The following VPS26A variants were observed in gnomAD, a reference collection of about 807,000 sequenced individuals.
VPS26A encodes VPS26 retromer complex component A.
Under a neutral mutation model 42.4 loss-of-function variants are expected in VPS26A, and 22 were observed. The observed-to-expected ratio is 0.52, with a 90% CI of 0.37 to 0.74. The LOEUF (loss-of-function observed/expected upper bound fraction) is 0.74, where lower values mean the gene tolerates loss of function less well. Among genes scored for constraint, VPS26A ranks in the 30% least tolerant of loss-of-function variants. VPS26A has a pLI of 0.00. For synonymous variants in VPS26A, 110 were observed against 123.5 expected, an observed-to-expected ratio of 0.89 and a Z score of 0.73; for missense variants, 276 against 379.2, an observed-to-expected ratio of 0.73 and a Z score of 2.26.
chr10:69,124,324 C>G (rs1053540806), intron 1 of VPS26A, 44 bp downstream of exon 1: 19 of 1,237,944 alleles, frequency 1.5e-5, no homozygotes, highest in Non-Finnish European at 1.9e-5. Context: ...GCCCTCGTCC[C>G]GGAGCGCGCG....
At chr10:69,136,509 A>G (rs1163863758) in intron 2 of VPS26A, among the ~76,000 whole-genome samples, 1 of 151,946 alleles carries the variant, frequency 6.6e-6, no homozygotes, top group Non-Finnish European at 1.5e-5. Context: ...TGACCTCGTG[A>G]TCCGCCCAGC....
At chr10:69,125,267 T>A (rs1840624871) in intron 1 of VPS26A, among the ~76,000 whole-genome samples, 1 of 151,410 alleles carries the variant, frequency 6.6e-6, no homozygotes, top group Non-Finnish European at 1.5e-5. Flanking sequence ...TCAGTAATGA[T>A]GTTGCTTTCA....
At chr10:69,124,429 C>A in intron 1 of VPS26A, 149 bp downstream of exon 1, 2 of 899,722 alleles carry the variant, frequency 2.2e-6, no homozygotes, top group Non-Finnish European at 2.9e-6. Context: ...ACCCCTGGGT[C>A]TGGGAAAAGC....
chr10:69,137,842 C>CT (rs967439930), intron 2 of VPS26A, among the ~76,000 whole-genome samples: 2 of 145,960 alleles, frequency 1.4e-5, no homozygotes, highest in African/African-American at 2.8e-5. Flanking sequence ...TAGGATTTTT[C>CT]TTTTTTTAAG....
chr10:69,157,667 T>C (rs1341437819), intron 4 of VPS26A, among the ~76,000 whole-genome samples: 1 of 152,206 alleles, frequency 6.6e-6, no homozygotes, highest in Non-Finnish European at 1.5e-5. Context: ...GATATTAATC[T>C]GAATGCATCA....
chr10:69,149,916 G>A (rs900165959), intron 2 of VPS26A, among the ~76,000 whole-genome samples: 12 of 151,438 alleles, frequency 7.9e-5, no homozygotes, highest in Admixed American at 6.6e-4. Flanking sequence ...ACTAATTTTT[G>A]TATTTTTAGT....
At chr10:69,154,244 T>A (rs1404146983) in intron 2 of VPS26A, among the ~76,000 whole-genome samples, 1 of 152,210 alleles carries the variant, frequency 6.6e-6, no homozygotes, top group African/African-American at 2.4e-5. Context: ...AATAGAATTC[T>A]TTGTAGATCT....
In VPS26A at chr10:69,151,276, A is replaced by ACC. The variant is rs761019625; in HGVS notation, c.154-4536_154-4535insCC. ...TGAGACTCCATGTCAAAAAAAAAAA[A>ACC]AAAAAAACACACACACACACACAAT... On this transcript the variant is annotated intron_variant, in intron 2 of 8. Coordinates refer to ENST00000263559, the MANE Select transcript of VPS26A (RefSeq NM_004896.5). 1.2e-4 allele frequency among the ~76,000 whole-genome samples: 8 copies of ACC among 69,130 alleles called. No homozygotes were observed. The South Asian group carries it at 3.5e-3, about 30-fold the overall frequency. 45.4% of individuals were successfully genotyped at this position (69,130 alleles called of 152,430 possible). A position where few individuals can be genotyped will look rare whatever the true frequency, so the allele number is the denominator to read the frequency against.
At chr10:69,154,913 ATATT>A (rs890205297) in intron 2 of VPS26A, among the ~76,000 whole-genome samples, 5 of 152,268 alleles carry the variant, frequency 3.3e-5, no homozygotes, top group Middle Eastern at 3.4e-3. Flanking sequence ...GCACATATAT[ATATT>A]TTTTTTTTAA....
rs7072107 is a variant in VPS26A at position 69,173,298 on chromosome 10, G to A, written c.*2029G>A. Among the ~76,000 whole-genome samples the A allele has an allele frequency of 0.042, 6,353 of 152,118 alleles. 466 individuals carry two copies. Among genetic ancestry groups the A allele is most frequent in the African/African-American group, 0.14 (5,982 of 41,454 alleles). ...AATAACCAGGCCCGGGTCCTACTCTGACCAATAAAATAAGAATCTCAGAGA... is the reference window on the plus strand; with the variant it reads ...AATAACCAGGCCCGGGTCCTACTCTAACCAATAAAATAAGAATCTCAGAGA... On this transcript the variant is annotated 3_prime_UTR_variant, in exon 9 of 9. Transcript: ENST00000263559.
rs71035063 is a variant in VPS26A at position 69,151,282 on chromosome 10, A to AAAAAAAAAAAAAAAAAAAAAAAC, written c.154-4529_154-4528insAAAAAAAAAAAAAAAAAAAAACA. Among the ~76,000 whole-genome samples, 4 of 136,774 alleles carry AAAAAAAAAAAAAAAAAAAAAAAC rather than the reference A, an allele frequency of 2.9e-5. 1 individual carries two copies. The highest frequency in any genetic ancestry group is 1.3e-4 in the African/African-American group (4 of 30,078). 89.7% of individuals were successfully genotyped at this position (136,774 alleles called of 152,430 possible). On this transcript the variant is annotated intron_variant, in intron 2 of 8. Coordinates refer to ENST00000263559, the MANE Select transcript of VPS26A (RefSeq NM_004896.5). Reference sequence around the variant, plus strand: ...TCCATGTCAAAAAAAAAAAAAAAAAAACACACACACACACACAATTAGCCG... The same window carrying AAAAAAAAAAAAAAAAAAAAAAAC: ...TCCATGTCAAAAAAAAAAAAAAAAAAAAAAAAAAAAAAAAAAAAAAAACACACACACACACACACAATTAGCCG...
chr10:69,158,272 TTGTC>T, intron 5 of VPS26A, 61 bp downstream of exon 5: 5 of 1,361,828 alleles, frequency 3.7e-6, no homozygotes, highest in Non-Finnish European at 2.9e-6. Context: ...TTTCAGGTGT[TTGTC>T]AGTTGGTCAA....
At chr10:69,152,371 C>T (rs550706135) in intron 2 of VPS26A, among the ~76,000 whole-genome samples, 1 of 152,268 alleles carries the variant, frequency 6.6e-6, no homozygotes, top group South Asian at 2.1e-4. Flanking sequence ...GCTTTATTCA[C>T]GTAACACATC....
chr10:69,137,946 A>G (rs773758980), intron 2 of VPS26A, among the ~76,000 whole-genome samples: 3 of 151,774 alleles, frequency 2.0e-5, no homozygotes, highest in African/African-American at 4.9e-5. Context: ...GAGTTGTACA[A>G]CTATCACCAC....
chr10:69,145,540 C>G (rs1196450679), intron 2 of VPS26A, among the ~76,000 whole-genome samples: 1 of 152,036 alleles, frequency 6.6e-6, no homozygotes, highest in Non-Finnish European at 1.5e-5. Flanking sequence ...TGGTGTGACA[C>G]AGGAGTCAAA....
intron 6 of VPS26A, among the ~76,000 whole-genome samples, chr10:69,163,164 G>C (rs140427549): frequency 6.6e-6 from 1 of 152,304 alleles, no homozygotes; most frequent in Admixed American, 6.5e-5. Context: ...CCAGTCTGCT[G>C]TTTGTGGACA....
At chr10:69,133,468 T>A in intron 2 of VPS26A, 1 of 979,340 alleles carries the variant, frequency 1.0e-6, no homozygotes, top group Non-Finnish European at 1.3e-6. Flanking sequence ...TAAAGGTTTT[T>A]TTACATTCTT....
intron 2 of VPS26A, among the ~76,000 whole-genome samples, chr10:69,147,680 A>G (rs921809317): frequency 2.0e-5 from 3 of 152,002 alleles, no homozygotes; most frequent in Non-Finnish European, 4.4e-5. Context: ...TCCCCATTGA[A>G]TTGTTTTGGC....
At chr10:69,169,227 T>G (rs1841760917) in intron 8 of VPS26A, among the ~76,000 whole-genome samples, 1 of 151,012 alleles carries the variant, frequency 6.6e-6, no homozygotes, top group Non-Finnish European at 1.5e-5. Context: ...TGAATATCTT[T>G]CTCTTAACAA....
Sources: allele counts gnomAD v4.1 joint callset (sites outside exome capture counted in the v4.1 genomes callset), GRCh38; gene constraint gnomAD v4.1.1; transcripts MANE v1.5; gene names NCBI Gene and HGNC (gene_info 2026-07-23, HGNC 2026-07-21).